The following MAF variants were observed in gnomAD, a reference collection of about 807,000 sequenced individuals.
The protein encoded by MAF is transcription factor Maf.
A neutral mutation model predicts 22.0 loss-of-function variants in MAF; 10 were observed. That is an observed-to-expected ratio of 0.45 (90% CI 0.28 to 0.77). The LOEUF (loss-of-function observed/expected upper bound fraction) is 0.77. MAF is among the 30% of genes least tolerant of loss of function. MAF has a pLI of 0.12. For missense variants in MAF, 544 were observed against 548.4 expected (o/e 0.99, Z 0.08); for synonymous variants, 337 against 255.8 (o/e 1.32, Z -3.03).
chr16:79,554,831 C>G, the MAF span, among the ~76,000 whole-genome samples: 1 of 152,188 alleles, frequency 6.6e-6, no homozygotes, highest in Non-Finnish European at 1.5e-5. Context: ...CTGTCTACCT[C>G]TCTCTGGGGT....
chr16:79,231,558 C>A, the MAF span, among the ~76,000 whole-genome samples: 4 of 152,046 alleles, frequency 2.6e-5, no homozygotes, highest in African/African-American at 9.7e-5. Context: ...GTCTAGTTAT[C>A]AGGTATCTAC....
At chr16:79,451,848 T>G in the MAF span, among the ~76,000 whole-genome samples, 3 of 152,218 alleles carry the variant, frequency 2.0e-5, no homozygotes, top group Non-Finnish European at 4.4e-5. Flanking sequence ...CTATAAAGTT[T>G]TAAATGCTCA....
the MAF span, among the ~76,000 whole-genome samples, chr16:79,339,165 G>A: frequency 6.6e-6 from 1 of 152,110 alleles, no homozygotes. Context: ...CGCCTCCCGG[G>A]TTCACGCCAT....
the MAF span, among the ~76,000 whole-genome samples, chr16:79,501,790 C>G: frequency 1.3e-5 from 2 of 152,138 alleles, no homozygotes; most frequent in Non-Finnish European, 2.9e-5. Context: ...GAGAAGCAGG[C>G]TGTGTTTTAA....
At chr16:79,507,032 T>G in the MAF span, among the ~76,000 whole-genome samples, 18 of 152,298 alleles carry the variant, frequency 1.2e-4, no homozygotes, top group African/African-American at 3.6e-4. Flanking sequence ...TCTATCTTTC[T>G]TCCTATCTGT....
At chr16:79,359,615 T>C in the MAF span, among the ~76,000 whole-genome samples, 1 of 152,238 alleles carries the variant, frequency 6.6e-6, no homozygotes, top group Admixed American at 6.5e-5. Flanking sequence ...CAGATAACAA[T>C]TAAATCATTA....
chr16:79,289,728 C>G, the MAF span, among the ~76,000 whole-genome samples: 1 of 152,062 alleles, frequency 6.6e-6, no homozygotes, highest in African/African-American at 2.4e-5. Flanking sequence ...AATCATTCTT[C>G]CAAGGTGTCA....
At chr16:79,556,676 TAAATC>T in the MAF span, among the ~76,000 whole-genome samples, 1 of 152,206 alleles carries the variant, frequency 6.6e-6, no homozygotes, top group Non-Finnish European at 1.5e-5. Flanking sequence ...TTCTTCATCT[TAAATC>T]AAACACAATT....
chr16:79,599,631 T>C lies in MAF; in HGVS notation c.272A>G (p.Tyr91Cys), dbSNP rs781512888. ...CTGCGGGTAGCCGGTCATCCAGTAG[T>C]AGTCTTCCAGGTGCGCCTTCTGCTC... ...GSEQKAHLED[Y>C]YWMTGYPQQL... The change falls in exon 1 of 2, where the codon TAC becomes TGC. Residue 91 changes from tyrosine (Y) to cysteine (C), a missense_variant. Transcript: ENST00000326043. 6.2e-7 allele frequency: 1 copy of C among 1,611,504 alleles called. No individual in the cohort carries two copies. The highest frequency in any genetic ancestry group is 1.1e-5 in the South Asian group (1 of 90,798).
At chr16:79,473,723 C>A in the MAF span, among the ~76,000 whole-genome samples, 22 of 152,146 alleles carry the variant, frequency 1.4e-4, no homozygotes, top group Non-Finnish European at 2.6e-4. Flanking sequence ...CCCAGACAGA[C>A]AATAAAAATA....
the MAF span, among the ~76,000 whole-genome samples, chr16:79,306,246 T>C: frequency 2.0e-5 from 3 of 152,342 alleles, no homozygotes; most frequent in African/African-American, 4.8e-5. Flanking sequence ...TCCTGTCTTG[T>C]AATCCTGTGT....
chr16:79,488,146 C>T, the MAF span, among the ~76,000 whole-genome samples: 2 of 152,322 alleles, frequency 1.3e-5, no homozygotes, highest in South Asian at 4.1e-4. Flanking sequence ...ACTCATCCTG[C>T]TCATTTTGAG....
chr16:79,302,165 C>T, the MAF span, among the ~76,000 whole-genome samples: 3 of 152,180 alleles, frequency 2.0e-5, no homozygotes, highest in Admixed American at 1.3e-4. Context: ...CTGGTAGCCA[C>T]GAGATGTGTT....
chr16:79,443,437 T>A, the MAF span, among the ~76,000 whole-genome samples: 1 of 152,120 alleles, frequency 6.6e-6, no homozygotes, highest in African/African-American at 2.4e-5. Context: ...CTGGGGACAG[T>A]CTGGTTGGAT....
At chr16:79,334,843 GTGTGTGTGTGTGTGTGTGTA>G in the MAF span, among the ~76,000 whole-genome samples, 3 of 45,938 alleles carry the variant, frequency 6.5e-5, no homozygotes, top group Non-Finnish European at 6.1e-5. Flanking sequence ...AATAAAGTGT[GTGTGTGTGTGTGTGTGTGTA>G]TGTGTGTGTG....
the MAF span, among the ~76,000 whole-genome samples, chr16:79,413,389 G>A: frequency 5.0e-5 from 7 of 139,380 alleles, no homozygotes; most frequent in Non-Finnish European, 7.8e-5. Context: ...GACTACAGGC[G>A]CCTGCCACCT....
the MAF span, among the ~76,000 whole-genome samples, chr16:79,491,825 C>T: frequency 6.6e-6 from 1 of 152,114 alleles, no homozygotes; most frequent in African/African-American, 2.4e-5. Context: ...TTGAGAATCT[C>T]TTCCTCTTAA....
the MAF span, among the ~76,000 whole-genome samples, chr16:79,243,382 A>AAAC: frequency 6.6e-5 from 10 of 152,024 alleles, no homozygotes; most frequent in Non-Finnish European, 1.5e-4. Flanking sequence ...GAAAAAGGGG[A>AAAC]TATCGCCACT....
chr16:79,591,089 A>G (rs763246812), downstream of MAF, among the ~76,000 whole-genome samples: 1 of 152,130 alleles, frequency 6.6e-6, no homozygotes, highest in Non-Finnish European at 1.5e-5. Context: ...TCTCCTTCCT[A>G]TCCAGTTCTA....
Sources: gnomAD v4.1 joint callset for allele counts (sites outside exome capture counted in the v4.1 genomes callset) on GRCh38, gnomAD v4.1.1 for gene constraint, MANE v1.5 for transcripts, NCBI Gene and HGNC (gene_info 2026-07-23, HGNC 2026-07-21) for gene names.